Variants in DLC1 observed in about 807,000 individuals in gnomAD.
The protein encoded by DLC1 is DLC1 Rho GTPase activating protein.
A neutral mutation model predicts 140.3 loss-of-function variants in DLC1; 54 were observed. The observed-to-expected ratio is 0.38, with a 90% CI of 0.31 to 0.48. DLC1 has a LOEUF of 0.48. Ranked by LOEUF, DLC1 falls within the 20% of genes least tolerant of loss-of-function variation. The probability of loss-of-function intolerance (pLI) is 0.96; values close to 1 mark genes in which losing one functional copy is unlikely to be tolerated. For synonymous variants in DLC1, 986 were observed against 728.1 expected (o/e 1.35, Z -5.70); for missense variants, 2,536 against 1,907.0 (o/e 1.33, Z -6.14).
rs2117214341 is a variant in DLC1 at position 13,393,357 on chromosome 8, T to C, written c.1314+196A>G. On this transcript the variant is annotated intron_variant, in intron 4 of 17. Coordinates refer to ENST00000276297, the MANE Select transcript of DLC1 (RefSeq NM_182643.3). ...ATTCTTGATTCATGACCTGTTTCAGTGAAGTACTTGTGTTATCATTTATAA... is the reference window on the plus strand; with the variant it reads ...ATTCTTGATTCATGACCTGTTTCAGCGAAGTACTTGTGTTATCATTTATAA... Among the ~76,000 whole-genome samples the C allele has an allele frequency of 2.0e-5, 3 of 152,342 alleles. No homozygotes were observed. The South Asian group carries it at 6.2e-4, about 32-fold the overall frequency.
At chr8:13,160,187 A>G (rs181682641) in intron 5 of DLC1, 1 of 152,418 alleles carries the variant, frequency 6.6e-6, no homozygotes, top group Non-Finnish European at 1.5e-5. Flanking sequence ...GGGCTGGTCC[A>G]AGTGCAATGG....
intron 3 of DLC1, among the ~76,000 whole-genome samples, chr8:13,394,710 C>T (rs1158909632): frequency 6.6e-6 from 1 of 152,188 alleles, no homozygotes; most frequent in African/African-American, 2.4e-5. Flanking sequence ...CGCACCCCAA[C>T]TCTCCAGTCT....
At chr8:13,503,131 A>T (rs546711920) in intron 1 of DLC1, among the ~76,000 whole-genome samples, 1 of 152,328 alleles carries the variant, frequency 6.6e-6, no homozygotes, top group East Asian at 1.9e-4. Context: ...ATTACTGGGC[A>T]TGATGGCTCA....
chr8:13,213,300 C>A (rs1828033837), intron 5 of DLC1, among the ~76,000 whole-genome samples: 1 of 152,266 alleles, frequency 6.6e-6, no homozygotes, highest in South Asian at 2.1e-4. Flanking sequence ...GCATTATACA[C>A]CTCTGTGGGC....
intron 2 of DLC1, among the ~76,000 whole-genome samples, chr8:13,479,105 T>C (rs1368369969): frequency 6.6e-6 from 1 of 152,346 alleles, no homozygotes; most frequent in East Asian, 1.9e-4. Context: ...TATTTTATGC[T>C]TCCCTCCTGT....
At chr8:13,170,525 T>G (rs1333479523) in intron 5 of DLC1, among the ~76,000 whole-genome samples, 1 of 151,972 alleles carries the variant, frequency 6.6e-6, no homozygotes, top group Non-Finnish European at 1.5e-5. Flanking sequence ...GGTCAGGAAA[T>G]CGAGACCATC....
At chr8:13,464,051 G>C (rs144092180) in intron 2 of DLC1, among the ~76,000 whole-genome samples, 62 of 152,264 alleles carry the variant, frequency 4.1e-4, no homozygotes, top group African/African-American at 1.2e-3. Flanking sequence ...CAAAATGCAA[G>C]AAAAAAATTG....
chr8:13,415,031 C>G (rs1270758145), intron 2 of DLC1, among the ~76,000 whole-genome samples: 1 of 152,050 alleles, frequency 6.6e-6, no homozygotes, highest in Non-Finnish European at 1.5e-5. Flanking sequence ...TCAGGCTGGT[C>G]TCGAACTCCT....
Position 13,182,912 on chromosome 8 carries a change from T to C in DLC1, c.1349-67255A>G, listed in dbSNP as rs545190983. On this transcript the variant is annotated intron_variant, in intron 5 of 17. Transcript: ENST00000276297. ...TGAATCTGTAAATTAGCTTGGGCAG[T>C]ATGGCCATTTTCAGGATATTGATTC... 1.2e-3 allele frequency among the ~76,000 whole-genome samples: 185 copies of C among 152,316 alleles called. 1 individual carries two copies. Among genetic ancestry groups the C allele is most frequent in the African/African-American group, 3.9e-3 (164 of 41,556 alleles).
At chr8:13,469,547 C>T (rs1324941921) in intron 2 of DLC1, among the ~76,000 whole-genome samples, 1 of 152,116 alleles carries the variant, frequency 6.6e-6, no homozygotes, top group Non-Finnish European at 1.5e-5. Flanking sequence ...AGGCTTGGGG[C>T]TGACATATAG....
chr8:13,154,309 G>A (rs115399847), intron 5 of DLC1, among the ~76,000 whole-genome samples: 1,704 of 152,330 alleles, frequency 0.011, 36 homozygotes, highest in African/African-American at 0.036. Context: ...GGGGGCTCAG[G>A]AATGGCCGGC....
chr8:13,438,490 G>T (rs1356992666), intron 2 of DLC1, among the ~76,000 whole-genome samples: 1 of 152,042 alleles, frequency 6.6e-6, no homozygotes, highest in Non-Finnish European at 1.5e-5. Context: ...CTCTCACTCA[G>T]AATAATTCAA....
intron 2 of DLC1, among the ~76,000 whole-genome samples, chr8:13,407,730 C>T (rs1055323935): frequency 8.5e-5 from 13 of 152,106 alleles, no homozygotes; most frequent in African/African-American, 2.9e-4. Flanking sequence ...AGGTTCTGGC[C>T]CCTATGCTGT....
intron 2 of DLC1, among the ~76,000 whole-genome samples, chr8:13,468,570 T>G (rs981710670): frequency 1.3e-5 from 2 of 151,720 alleles, no homozygotes; most frequent in Non-Finnish European, 2.9e-5. Flanking sequence ...AGATGGGGTA[T>G]TACTATGTTG....
chr8:13,484,589 G>A (rs10097349), intron 2 of DLC1, among the ~76,000 whole-genome samples: 11 of 151,930 alleles, frequency 7.2e-5, no homozygotes, highest in East Asian at 5.8e-4. Context: ...ACGAGTGATG[G>A]CTATTGGTTA....
At chr8:13,279,142 A>T (rs1014263852) in intron 5 of DLC1, among the ~76,000 whole-genome samples, 1 of 152,220 alleles carries the variant, frequency 6.6e-6, no homozygotes, top group African/African-American at 2.4e-5. Context: ...AACAGGACCT[A>T]GGGTGTGGCA....
chr8:13,318,588 A>T (rs1354850252), intron 4 of DLC1, among the ~76,000 whole-genome samples: 2 of 152,240 alleles, frequency 1.3e-5, no homozygotes, highest in Non-Finnish European at 2.9e-5. Context: ...AACAGCAGGA[A>T]AAAAGGAAGT....
rs1563593242 is a variant in DLC1 at position 13,099,969 on chromosome 8, C to G, written c.2368G>C (p.Val790Leu). Residue 790 changes from valine to leucine, a missense_variant, in exon 9 of 18, where the codon GTG (valine) becomes CTG (leucine). By Grantham distance (32) the Val-to-Leu change is conservative. Transcript: ENST00000276297. ...CGGTTCTTAAAGTTCTGCTCCACCACGTTGTTAAATGTTGACTGATTGAAA... is the reference window on the plus strand; with the variant it reads ...CGGTTCTTAAAGTTCTGCTCCACCAGGTTGTTAAATGTTGACTGATTGAAA... ...DPFNQSTFNN[V>L]VEQNFKNRES... is the part of the protein sequence containing the mutation. The G allele has an allele frequency of 1.2e-6, 2 of 1,612,690 alleles. No individual in the cohort carries two copies. Among genetic ancestry groups the G allele is most frequent in the South Asian group, 2.2e-5 (2 of 91,088 alleles).
intron 1 of DLC1, among the ~76,000 whole-genome samples, chr8:13,580,783 C>T (rs555668204): frequency 6.6e-6 from 1 of 152,154 alleles, no homozygotes. Flanking sequence ...TGAAAGCCCC[C>T]ACACACCAGG....
Sources: gnomAD v4.1 joint callset for allele counts (sites outside exome capture counted in the v4.1 genomes callset) on GRCh38, gnomAD v4.1.1 for gene constraint, MANE v1.5 for transcripts, NCBI Gene and HGNC (gene_info 2026-07-23, HGNC 2026-07-21) for gene names.